The following CUL4A variants were observed in gnomAD, a reference collection of about 807,000 sequenced individuals.
CUL4A encodes cullin 4A.
In CUL4A, 16 loss-of-function variants were observed where a neutral mutation model predicts 95.5. The observed-to-expected ratio is 0.17, with a 90% CI of 0.11 to 0.25. CUL4A has a LOEUF of 0.25. Among genes scored for constraint, CUL4A ranks in the 10% least tolerant of loss-of-function variants. The pLI, the probability that CUL4A is intolerant of heterozygous loss-of-function variation, is 1.00. For synonymous variants in CUL4A, 380 were observed against 353.1 expected, an observed-to-expected ratio of 1.08 and a Z score of -0.85; for missense variants, 610 against 937.0, an observed-to-expected ratio of 0.65 and a Z score of 4.56.
intron 3 of CUL4A, among the ~76,000 whole-genome samples, chr13:113,224,081 G>A (rs190345022): frequency 3.3e-5 from 5 of 152,184 alleles, no homozygotes; most frequent in Admixed American, 6.5e-5. Context: ...CGCAGAGTGC[G>A]GTGGCTCACG....
intron 3 of CUL4A, among the ~76,000 whole-genome samples, chr13:113,227,120 G>A (rs937903264): frequency 6.6e-6 from 1 of 152,228 alleles, no homozygotes; most frequent in Non-Finnish European, 1.5e-5. Context: ...GGAAGGGAAA[G>A]CAGCACAGGC....
chr13:113,224,881 G>A (rs994376281), intron 3 of CUL4A, among the ~76,000 whole-genome samples: 10 of 152,202 alleles, frequency 6.6e-5, no homozygotes, highest in African/African-American at 2.4e-4. Context: ...ATGAATGAGG[G>A]TCGGCCTAGG....
chr13:113,244,895 C>A, intron 12 of CUL4A, 54 bp from the exon 13 acceptor site: 10 of 1,085,992 alleles, frequency 9.2e-6, no homozygotes, highest in Admixed American at 1.9e-5. Context: ...TGAAGTTTAA[C>A]ATTTGCTTAT....
At chr13:113,222,570 G>C (rs2040940793) in intron 3 of CUL4A, among the ~76,000 whole-genome samples, 1 of 152,188 alleles carries the variant, frequency 6.6e-6, no homozygotes, top group African/African-American at 2.4e-5. Flanking sequence ...AGAGATGCCT[G>C]TTGTGCATTT....
chr13:113,229,742 G>A, intron 5 of CUL4A: 1 of 535,390 alleles, frequency 1.9e-6, no homozygotes, highest in South Asian at 2.8e-5. Context: ...GCTCGGACAG[G>A]CGGCTGACTT....
intron 2 of CUL4A, among the ~76,000 whole-genome samples, chr13:113,218,690 T>G (rs1376088682): frequency 2.0e-5 from 3 of 152,140 alleles, no homozygotes; most frequent in Non-Finnish European, 4.4e-5. Context: ...GGACCCGAGG[T>G]CCAGCAGGTG....
intron 7 of CUL4A, among the ~76,000 whole-genome samples, chr13:113,234,364 GA>G (rs934665663): frequency 1.3e-5 from 2 of 152,070 alleles, no homozygotes; most frequent in South Asian, 4.1e-4. Context: ...AAAGCTGTGC[GA>G]AAAAACATGT....
At chr13:113,210,144 G>A (rs571121556) in intron 2 of CUL4A, 56 bp downstream of exon 2, 2 of 1,225,808 alleles carry the variant, frequency 1.6e-6, no homozygotes, top group Non-Finnish European at 2.2e-6. Context: ...ACGCAGACGC[G>A]GCCGGGCGGC....
At chr13:113,212,777 T>C (rs1417011827) in intron 2 of CUL4A, among the ~76,000 whole-genome samples, 15 of 152,200 alleles carry the variant, frequency 9.9e-5, no homozygotes, top group Non-Finnish European at 1.3e-4. Flanking sequence ...AGAGTGAGAC[T>C]CCATTTCAAA....
At chr13:113,209,370 C>T (rs1199041497), upstream of CUL4A, among the ~76,000 whole-genome samples, 3 of 147,408 alleles carry the variant, frequency 2.0e-5, no homozygotes, top group African/African-American at 7.5e-5. Flanking sequence ...GGACGGGAGT[C>T]CCGGCGCGCG....
chr13:113,225,266 A>G (rs1462355356), intron 3 of CUL4A, among the ~76,000 whole-genome samples: 1 of 152,208 alleles, frequency 6.6e-6, no homozygotes. Flanking sequence ...TGTGTCTCAC[A>G]TCCTGGAATT....
chr13:113,262,728 G>A (rs1315456957), intron 19 of CUL4A, among the ~76,000 whole-genome samples: 1 of 152,244 alleles, frequency 6.6e-6, no homozygotes, highest in African/African-American at 2.4e-5. Flanking sequence ...AGTAAGACAT[G>A]TTGAGATTTT....
chr13:113,240,226 T>C (rs930594160), intron 10 of CUL4A, among the ~76,000 whole-genome samples: 28 of 152,056 alleles, frequency 1.8e-4, no homozygotes, highest in African/African-American at 6.8e-4. Flanking sequence ...GAGACATTTG[T>C]GGCTGTCTGA....
chr13:113,239,482 G>A lies in CUL4A; in HGVS notation c.966G>A (p.Met322Ile), dbSNP rs1298792494. 54 of 1,613,912 alleles carry A rather than the reference G, an allele frequency of 3.3e-5. No homozygotes were observed. The highest frequency in any genetic ancestry group is 4.5e-5 in the Non-Finnish European group (53 of 1,180,004). The part of the protein sequence containing the change: ...DENRVPDLAQ[M>I]YQLFSRVRGG... The stretch of plus-strand genomic sequence containing the variant: ...ACAGAGTGCCGGACCTCGCACAGAT[G>A]TACCAGCTGTTCAGCCGGGTGAGGG... The change falls in exon 10 of 20, where the codon ATG becomes ATA. Residue 322 changes from methionine to isoleucine, a missense_variant. Transcript: ENST00000375440.
At chr13:113,217,737 A>G (rs900178747) in intron 2 of CUL4A, among the ~76,000 whole-genome samples, 2 of 152,216 alleles carry the variant, frequency 1.3e-5, no homozygotes, top group African/African-American at 4.8e-5. Context: ...TATTCTGTAT[A>G]TCCCCACATT....
intron 15 of CUL4A, among the ~76,000 whole-genome samples, chr13:113,251,883 G>A (rs563060825): frequency 9.9e-5 from 15 of 152,250 alleles, no homozygotes; most frequent in Admixed American, 2.0e-4. Flanking sequence ...GCTGAGTCCC[G>A]GAGCATTGGC....
At chr13:113,238,791 G>A (rs985944964) in intron 9 of CUL4A, among the ~76,000 whole-genome samples, 1 of 152,166 alleles carries the variant, frequency 6.6e-6, no homozygotes, top group African/African-American at 2.4e-5. Context: ...GGCAGAATCT[G>A]AGACTTTGTG....
At chr13:113,231,423 C>A (rs1476332413) in intron 5 of CUL4A, among the ~76,000 whole-genome samples, 1 of 152,108 alleles carries the variant, frequency 6.6e-6, no homozygotes, top group Non-Finnish European at 1.5e-5. Context: ...GGCAGCATGA[C>A]CAGAAGAAGC....
intron 2 of CUL4A, among the ~76,000 whole-genome samples, chr13:113,214,279 T>C (rs1294825649): frequency 6.6e-6 from 1 of 152,084 alleles, no homozygotes; most frequent in Non-Finnish European, 1.5e-5. Context: ...GAGGAGAATG[T>C]TGTGAAGGCA....
Sources: gnomAD v4.1 joint callset for allele counts (sites outside exome capture counted in the v4.1 genomes callset) on GRCh38, gnomAD v4.1.1 for gene constraint, MANE v1.5 for transcripts, NCBI Gene and HGNC (gene_info 2026-07-23, HGNC 2026-07-21) for gene names.